Variants in SEMA6D observed in about 807,000 individuals in gnomAD.
SEMA6D encodes the protein semaphorin-6D.
In SEMA6D, 35 loss-of-function variants were observed where a neutral mutation model predicts 106.6. The observed-to-expected ratio is 0.33, with a 90% CI of 0.25 to 0.44. SEMA6D has a LOEUF of 0.44. Ranked by LOEUF, SEMA6D falls within the 20% of genes least tolerant of loss-of-function variation. The pLI is 1.00. For synonymous variants in SEMA6D, 499 were observed against 487.7 expected (o/e 1.02, Z -0.31); for missense variants, 1,185 against 1,345.9 (o/e 0.88, Z 1.87).
rs1466497199 is a variant in SEMA6D, at chr15:47,367,676, A to ACG, written c.-238-44716_-238-44715insGC. Among the ~76,000 whole-genome samples the ACG allele has an allele frequency of 2.5e-3, 211 of 82,750 alleles. 1 individual carries two copies. Among genetic ancestry groups the ACG allele is most frequent in the Admixed American group, 3.5e-3 (25 of 7,136 alleles). The allele number at this position is 82,750 out of a possible 152,430, so 54.3% of individuals were successfully genotyped here. A position where few individuals can be genotyped will look rare whatever the true frequency, so the allele number is the denominator to read the frequency against. The stretch of plus-strand genomic sequence containing the variant: ...CCCCTTCCCCTAAACACGCACGCTC[A>ACG]CACGCGCGCGCGCGCGCACACACAC... On this transcript the variant is annotated intron_variant, in intron 1 of 19. Transcript: ENST00000558014.
intron 4 of SEMA6D, among the ~76,000 whole-genome samples, chr15:47,611,889 T>C (rs916587172): frequency 5.3e-5 from 8 of 152,026 alleles, no homozygotes; most frequent in Non-Finnish European, 1.2e-4. Flanking sequence ...CAGTGCCCGA[T>C]GGAAAATACA....
intron 1 of SEMA6D, among the ~76,000 whole-genome samples, chr15:47,253,534 T>C (rs2141968555): frequency 6.6e-6 from 1 of 152,344 alleles, no homozygotes; most frequent in Non-Finnish European, 1.5e-5. Context: ...TTGATTTTTG[T>C]ATAAGGTAAG....
At chr15:47,493,138 T>C (rs1596143988) in intron 3 of SEMA6D, among the ~76,000 whole-genome samples, 1 of 152,286 alleles carries the variant, frequency 6.6e-6, no homozygotes, top group African/African-American at 2.4e-5. Context: ...ATATGTCCGC[T>C]AAAGGTCCCC....
At chr15:47,747,567 A>T (rs905494051) in intron 1 of SEMA6D, among the ~76,000 whole-genome samples, 29 of 152,190 alleles carry the variant, frequency 1.9e-4, no homozygotes, top group African/African-American at 7.0e-4. Context: ...AACTCAAATA[A>T]AATTGACCCA....
At chr15:47,316,922 C>T (rs2036706716) in intron 1 of SEMA6D, among the ~76,000 whole-genome samples, 1 of 152,042 alleles carries the variant, frequency 6.6e-6, no homozygotes, top group South Asian at 2.1e-4. Context: ...TAATGCTGGC[C>T]TCATATAACA....
At chr15:47,519,947 C>T (rs2044516895) in intron 3 of SEMA6D, among the ~76,000 whole-genome samples, 1 of 152,092 alleles carries the variant, frequency 6.6e-6, no homozygotes, top group African/African-American at 2.4e-5. Context: ...TAGGATAGAC[C>T]CTCTTTTCAG....
At chr15:47,425,693 CAG>C (rs1295343168) in intron 2 of SEMA6D, among the ~76,000 whole-genome samples, 5 of 144,522 alleles carry the variant, frequency 3.5e-5, no homozygotes, top group African/African-American at 7.7e-5. Flanking sequence ...TTTTTTGAGA[CAG>C]AGTTTCACTC....
intron 3 of SEMA6D, among the ~76,000 whole-genome samples, chr15:47,567,168 T>A (rs2046253131): frequency 6.6e-6 from 1 of 152,226 alleles, no homozygotes; most frequent in East Asian, 1.9e-4. Context: ...TGTAAACTTC[T>A]GCTTTTAATT....
chr15:47,573,767 A>T (rs1017955461), intron 3 of SEMA6D, among the ~76,000 whole-genome samples: 1 of 152,200 alleles, frequency 6.6e-6, no homozygotes, highest in South Asian at 2.1e-4. Context: ...TGAAATTTCC[A>T]CAGGAATCAC....
intron 3 of SEMA6D, among the ~76,000 whole-genome samples, chr15:47,470,909 C>G (rs958602802): frequency 7.2e-5 from 11 of 152,256 alleles, no homozygotes; most frequent in African/African-American, 2.6e-4. Flanking sequence ...ACTGACAGTC[C>G]TTTGTGGGGT....
chr15:47,285,215 A>G (rs534206297), intron 1 of SEMA6D, among the ~76,000 whole-genome samples: 1 of 151,234 alleles, frequency 6.6e-6, no homozygotes, highest in African/African-American at 2.4e-5. Flanking sequence ...AAACATTCCT[A>G]TTTTCTGCCT....
intron 1 of SEMA6D, among the ~76,000 whole-genome samples, chr15:47,223,723 A>T (rs2141406203): frequency 6.6e-6 from 1 of 152,160 alleles, no homozygotes; most frequent in East Asian, 1.9e-4. Context: ...TAAAGCTCAA[A>T]TTCGGTCTGG....
chr15:47,583,478 G>A (rs980811355), intron 3 of SEMA6D, among the ~76,000 whole-genome samples: 2 of 152,044 alleles, frequency 1.3e-5, no homozygotes, highest in South Asian at 2.1e-4. Flanking sequence ...AAGTTGTTTC[G>A]GTCTTGGATT....
chr15:47,773,608 A>G lies in SEMA6D; in HGVS notation c.*1823A>G, dbSNP rs1821719661. The G allele has an allele frequency of 6.6e-6, 1 of 152,404 alleles. No individual in the cohort carries two copies. The highest frequency in any genetic ancestry group is 2.4e-5 in the African/African-American group (1 of 41,464). The allele number at this position is 152,404 out of a possible 1,614,324, so 9.4% of individuals were successfully genotyped here. ...AGGACATGTTGCAGAAGACCAGATC[A>G]TTTTTATACAGAATGTGAAATACTG... On this transcript the variant is annotated 3_prime_UTR_variant, in exon 19 of 19. Coordinates refer to ENST00000536845, the MANE Select transcript of SEMA6D (RefSeq NM_001358351.3).
intron 3 of SEMA6D, among the ~76,000 whole-genome samples, chr15:47,486,733 A>G (rs1387359341): frequency 1.3e-5 from 2 of 152,230 alleles, no homozygotes; most frequent in Non-Finnish European, 2.9e-5. Context: ...GTACATTTTT[A>G]TAGGAGAGAA....
intron 3 of SEMA6D, among the ~76,000 whole-genome samples, chr15:47,597,742 T>C (rs1424984918): frequency 6.6e-6 from 1 of 151,458 alleles, no homozygotes; most frequent in East Asian, 1.9e-4. Context: ...GAGGGAGATG[T>C]TGGTCAAAGG....
chr15:47,464,102 A>G (rs1312154295), intron 2 of SEMA6D, among the ~76,000 whole-genome samples: 1 of 152,156 alleles, frequency 6.6e-6, no homozygotes, highest in Non-Finnish European at 1.5e-5. Context: ...GGTAATATTC[A>G]CAGGTTTCAG....
chr15:47,387,307 T>C (rs950278981), intron 1 of SEMA6D, among the ~76,000 whole-genome samples: 1 of 152,188 alleles, frequency 6.6e-6, no homozygotes, highest in Non-Finnish European at 1.5e-5. Context: ...TGCATTAAAG[T>C]TGTAATTTTC....
rs1555389728 is a variant in SEMA6D at position 47,552,905 on chromosome 15, T to TAA, written c.-86-47958_-86-47957dup. On this transcript the variant is annotated intron_variant, in intron 3 of 19. Transcript: ENST00000558014. ...AAATATATATAAATATATATATATA[T>TAA]AAATATATATATATTTGAGATGGAG... 1.5e-4 allele frequency among the ~76,000 whole-genome samples: 14 copies of TAA among 94,820 alleles called. 1 individual carries two copies. In the South Asian group the frequency reaches 2.3e-3, roughly 16 times the overall value. 62.2% of individuals were successfully genotyped at this position (94,820 alleles called of 152,430 possible). A position where few individuals can be genotyped will look rare whatever the true frequency, so the allele number is the denominator to read the frequency against.
Sources: allele counts gnomAD v4.1 joint callset (sites outside exome capture counted in the v4.1 genomes callset), GRCh38; gene constraint gnomAD v4.1.1; transcripts MANE v1.5; gene names NCBI Gene and HGNC (gene_info 2026-07-23, HGNC 2026-07-21).